Variants in UTRN observed in about 807,000 individuals in gnomAD.
UTRN encodes dystrophin-related protein 1.
Under a neutral mutation model 463.9 loss-of-function variants are expected in UTRN, and 283 were observed. The observed-to-expected ratio is 0.61, with a 90% CI of 0.55 to 0.67. UTRN has a LOEUF of 0.67. Ranked by LOEUF, UTRN falls within the 30% of genes least tolerant of loss-of-function variation. The pLI is 0.00. For missense variants in UTRN, 3,922 were observed against 4,084.3 expected (o/e 0.96, Z 1.08); for synonymous variants, 1,442 against 1,431.5 (o/e 1.01, Z -0.17).
intron 51 of UTRN, among the ~76,000 whole-genome samples, chr6:144,664,997 G>T (rs1161120726): frequency 6.6e-6 from 1 of 152,010 alleles, no homozygotes; most frequent in African/African-American, 2.4e-5. Flanking sequence ...AAGGAATGGT[G>T]GATTTATTTT....
At chr6:144,554,494 C>G (rs1799209157) in intron 48 of UTRN, among the ~76,000 whole-genome samples, 194 bp from the exon 49 acceptor site, 1 of 151,492 alleles carries the variant, frequency 6.6e-6, no homozygotes, top group Non-Finnish European at 1.5e-5. Flanking sequence ...ATTTTTTTTT[C>G]TCAAACACCG....
In UTRN at chr6:144,523,065, A is replaced by T. The variant is rs766838873; in HGVS notation, c.5783A>T (p.His1928Leu). ...DKLGEQIAVI[H>L]EKQPDVILEA... ...CTTGGAGAGCAGATTGCAGTCATTC[A>T]TGAAAAACAGCCAGATGTCATCCTT... The change falls in exon 41 of 75, where the codon CAT becomes CTT. Residue 1928 changes from histidine to leucine, a missense_variant. This residue lies in a region of UTRN where 2,349 missense variants were observed against 2,303.8 expected (regional missense o/e 1.02). Coordinates refer to ENST00000367545, the MANE Select transcript of UTRN (RefSeq NM_007124.3). The T allele has an allele frequency of 4.3e-6, 7 of 1,613,230 alleles. No homozygotes were observed. Among genetic ancestry groups the T allele is most frequent in the African/African-American group, 4.0e-5 (3 of 74,894 alleles).
chr6:144,340,468 G>A (rs185319835), intron 2 of UTRN, among the ~76,000 whole-genome samples: 11 of 152,316 alleles, frequency 7.2e-5, no homozygotes, highest in Admixed American at 6.5e-4. Context: ...TATTTCCTCC[G>A]TGGAGAGAGG....
rs370018817 is a variant in UTRN, at chr6:144,444,313, T to C, written c.1545T>C (p.Arg515=). 66 of 1,611,810 alleles carry C rather than the reference T, an allele frequency of 4.1e-5. No homozygotes were observed. Among genetic ancestry groups the C allele is most frequent in the Non-Finnish European group, 5.4e-5 (64 of 1,178,726 alleles). Residue 515 remains arginine (R), a synonymous_variant, in exon 14 of 75, where the codon CGT becomes CGC. Coordinates refer to ENST00000367545, the MANE Select transcript of UTRN (RefSeq NM_007124.3). ...GTGAGCGCTGGACAGCAGTATGCCG[T>C]TGGACTGAAGAACGCTGGAATAGGT... ...KLGERWTAVC[R]WTEERWNRLQ... is the part of the protein sequence containing the mutation.
At chr6:144,398,521 C>A in intron 2 of UTRN, 1 of 284,418 alleles carries the variant, frequency 3.5e-6, no homozygotes, top group South Asian at 4.6e-5. Context: ...ATTGTTCAGG[C>A]TAGTCTGGAT....
At chr6:144,713,809 A>G (rs2128704985) in intron 53 of UTRN, among the ~76,000 whole-genome samples, 1 of 150,462 alleles carries the variant, frequency 6.6e-6, no homozygotes, top group Admixed American at 6.7e-5. Context: ...AATCCCAGCT[A>G]CTCGGGAGGC....
chr6:144,625,846 T>C (rs1775889055), intron 51 of UTRN, among the ~76,000 whole-genome samples: 1 of 152,182 alleles, frequency 6.6e-6, no homozygotes, highest in Non-Finnish European at 1.5e-5. Context: ...ACAAAAATAA[T>C]TGAGAAACAT....
chr6:144,549,576 G>A (rs939845055), intron 47 of UTRN, among the ~76,000 whole-genome samples: 1 of 152,142 alleles, frequency 6.6e-6, no homozygotes, highest in Non-Finnish European at 1.5e-5. Context: ...CATATGAGTT[G>A]ACAAATTACT....
At chr6:144,663,463 C>T (rs1780086238) in intron 51 of UTRN, among the ~76,000 whole-genome samples, 1 of 152,140 alleles carries the variant, frequency 6.6e-6, no homozygotes, top group Non-Finnish European at 1.5e-5. Context: ...ACTTTAGGGA[C>T]TATTAACATA....
intron 2 of UTRN, among the ~76,000 whole-genome samples, chr6:144,396,280 G>A (rs1184645904): frequency 3.3e-5 from 5 of 152,118 alleles, no homozygotes; most frequent in African/African-American, 9.7e-5. Context: ...AGACCCAAAA[G>A]GACAAATATT....
chr6:144,598,643 G>T (rs1245385817), intron 51 of UTRN, among the ~76,000 whole-genome samples: 1 of 152,140 alleles, frequency 6.6e-6, no homozygotes, highest in East Asian at 1.9e-4. Flanking sequence ...ATATATTTTG[G>T]GGTAAAATAC....
chr6:144,638,363 G>A (rs1562690813), intron 51 of UTRN, among the ~76,000 whole-genome samples: 1 of 152,126 alleles, frequency 6.6e-6, no homozygotes, highest in Non-Finnish European at 1.5e-5. Flanking sequence ...AATAGTTCAT[G>A]TTTTTTGTCA....
chr6:144,506,875 T>C (rs1794734785), intron 34 of UTRN, among the ~76,000 whole-genome samples: 1 of 152,180 alleles, frequency 6.6e-6, no homozygotes, highest in African/African-American at 2.4e-5. Flanking sequence ...CTTTGTTCCA[T>C]TCTTCTTGTC....
intron 52 of UTRN, among the ~76,000 whole-genome samples, chr6:144,693,597 G>C (rs1439497632): frequency 2.0e-5 from 3 of 152,092 alleles, no homozygotes; most frequent in Non-Finnish European, 1.5e-5. Context: ...TCCTTGTAGA[G>C]ATCTTTCCCT....
At chr6:144,329,185 C>A (rs570139484) in intron 2 of UTRN, among the ~76,000 whole-genome samples, 1 of 150,842 alleles carries the variant, frequency 6.6e-6, no homozygotes, top group Non-Finnish European at 1.5e-5. Flanking sequence ...CGGGTTCAAG[C>A]GATTCTCCTG....
chr6:144,337,664 G>C (rs1776838923), intron 2 of UTRN, among the ~76,000 whole-genome samples: 1 of 152,076 alleles, frequency 6.6e-6, no homozygotes, highest in South Asian at 2.1e-4. Context: ...TCCCAGGCTA[G>C]AGTGCAGTGG....
At chr6:144,398,171 C>T in intron 2 of UTRN, 1 of 248,124 alleles carries the variant, frequency 4.0e-6, no homozygotes, top group South Asian at 6.3e-5. Flanking sequence ...TGTACCTGCT[C>T]TTGCAATATT....
At position 144,713,380 on chromosome 6, in the gene UTRN, T is replaced by G. The variant is rs1423744373; in HGVS notation, c.7809+13137T>G. 1.3e-5 allele frequency among the ~76,000 whole-genome samples: 2 copies of G among 151,052 alleles called. 1 individual carries two copies. On this transcript the variant is annotated intron_variant, in intron 53 of 74. Transcript: ENST00000367545. ...TAGCACTTTGGGAGGCTGATGTGAG[T>G]GGATCACCTGAGGTCAGGAGTTCAA...
chr6:144,832,397 T>G (rs1780744610), intron 69 of UTRN, among the ~76,000 whole-genome samples: 1 of 152,242 alleles, frequency 6.6e-6, no homozygotes, highest in South Asian at 2.1e-4. Flanking sequence ...AATAATGTGT[T>G]AAACTCTATC....
Sources: gnomAD v4.1 joint callset for allele counts (sites outside exome capture counted in the v4.1 genomes callset) on GRCh38, gnomAD v4.1.1 for gene constraint, gnomAD v4.1.1 regional missense constraint, MANE v1.5 for transcripts, NCBI Gene and HGNC (gene_info 2026-07-23, HGNC 2026-07-21) for gene names.